NID2: variants seen among roughly 807,000 people sequenced by gnomAD.
NID2 encodes nidogen 2.
A neutral mutation model predicts 145.4 loss-of-function variants in NID2; 83 were observed. That is an observed-to-expected ratio of 0.57 (90% CI 0.48 to 0.69). The LOEUF is 0.69. Ranked by LOEUF, NID2 falls within the 30% of genes least tolerant of loss-of-function variation. The probability of loss-of-function intolerance (pLI) is 0.00; values close to 1 mark genes in which losing one functional copy is unlikely to be tolerated. For synonymous variants in NID2, 739 were observed against 701.3 expected, an observed-to-expected ratio of 1.05 and a Z score of -0.85; for missense variants, 1,807 against 1,765.7, an observed-to-expected ratio of 1.02 and a Z score of -0.42.
intron 7 of NID2, among the ~76,000 whole-genome samples, chr14:52,041,593 G>A (rs150832062): frequency 3.3e-5 from 5 of 152,150 alleles, no homozygotes; most frequent in Admixed American, 2.0e-4. Context: ...GCAAAATCAC[G>A]GACCCCACCC....
At chr14:52,035,878 ATGTTT>A (rs1892052843) in intron 9 of NID2, among the ~76,000 whole-genome samples, 1 of 135,204 alleles carries the variant, frequency 7.4e-6, no homozygotes, top group Non-Finnish European at 1.5e-5. Flanking sequence ...ATATATATAT[ATGTTT>A]TATTTTGTAG....
chr14:52,042,359 C>G lies in NID2; in HGVS notation c.1580-9G>C, dbSNP rs375243244. The G allele has an allele frequency of 1.3e-5, 21 of 1,600,372 alleles. 1 individual carries two copies. Among genetic ancestry groups the G allele is most frequent in the South Asian group, 5.6e-5 (5 of 90,050 alleles). On this transcript the variant is annotated splice_polypyrimidine_tract_variant and intron_variant, in intron 6 of 21. Coordinates refer to ENST00000216286, the MANE Select transcript of NID2 (RefSeq NM_007361.4). Reference sequence around the variant, plus strand: ...CACTCGGTGAGGTGCCCCTAAAAGACAGCAAATCCAGTTAGGCTTGGACGT... The same window carrying G: ...CACTCGGTGAGGTGCCCCTAAAAGAGAGCAAATCCAGTTAGGCTTGGACGT...
In NID2 at chr14:52,040,619, A is replaced by G. The variant is rs191373692; in HGVS notation, c.2026+32T>C. The G allele has an allele frequency of 1.9e-6, 3 of 1,585,672 alleles. No homozygotes were observed. The African/African-American group carries it at 4.0e-5, about 21-fold the overall frequency. On this transcript the variant is annotated intron_variant, in intron 8 of 21. Transcript: ENST00000216286. ...ATCTTGTGAGATGGGCATAATCCCC[A>G]TTTTACAGATGTGAAGACTGGTTAT...
chr14:52,041,583 G>C (rs999124609), intron 7 of NID2, among the ~76,000 whole-genome samples: 1 of 152,110 alleles, frequency 6.6e-6, no homozygotes. Context: ...TGGTAGAAAA[G>C]CAAAATCACG....
chr14:52,036,454 T>G (rs1013513658), intron 9 of NID2, among the ~76,000 whole-genome samples: 7 of 152,370 alleles, frequency 4.6e-5, no homozygotes, highest in African/African-American at 1.7e-4. Flanking sequence ...TTATGAATAC[T>G]GCCACTATGA....
At chr14:52,027,127 G>A (rs957849441) in intron 12 of NID2, 74 bp downstream of exon 12, 3 of 1,347,646 alleles carry the variant, frequency 2.2e-6, no homozygotes, top group East Asian at 5.6e-5. Flanking sequence ...TCTTTTCTGG[G>A]AGAGCTCCAT....
rs1003815030 is a variant in NID2 at position 52,043,896 on chromosome 14, C to G, written c.1430-965G>C. Among the ~76,000 whole-genome samples, 3 of 152,122 alleles carry G rather than the reference C, an allele frequency of 2.0e-5. No individual in the cohort carries two copies. In the East Asian group the frequency reaches 5.8e-4, roughly 29 times the overall value. On this transcript the variant is annotated intron_variant, in intron 5 of 21. Transcript: ENST00000216286. ...GGCCAAGCGGCTGCACACACCTCTG[C>G]CTCCACATCCCCAGGAGGTGGAGTT...
At chr14:52,031,100 G>A (rs560390570) in intron 9 of NID2, among the ~76,000 whole-genome samples, 3 of 152,162 alleles carry the variant, frequency 2.0e-5, no homozygotes, top group Admixed American at 6.5e-5. Flanking sequence ...GCTTTCCACC[G>A]CTTTGCTGCA....
intron 11 of NID2, among the ~76,000 whole-genome samples, chr14:52,028,381 C>A (rs543086072): frequency 1.7e-4 from 26 of 151,776 alleles, no homozygotes; most frequent in African/African-American, 6.3e-4. Flanking sequence ...CTCAAGCAAT[C>A]CTCCTATCTC....
At chr14:52,030,576 G>T (rs55677513) in intron 9 of NID2, among the ~76,000 whole-genome samples, 3 of 61,594 alleles carry the variant, frequency 4.9e-5, no homozygotes, top group Admixed American at 1.8e-4. Flanking sequence ...AAGGAAGGAA[G>T]GGAAAGAAAG....
intron 9 of NID2, among the ~76,000 whole-genome samples, chr14:52,035,878 A>ACATATATATATATATATTTATATT (rs1555364238): frequency 0.47 from 62,736 of 134,856 alleles, 15,525 homozygotes; most frequent in Middle Eastern, 0.52. Context: ...ATATATATAT[A>ACATATATATATATATATTTATATT]TGTTTTATTT....
chr14:52,065,689 A>G (rs1206581844), intron 2 of NID2, among the ~76,000 whole-genome samples: 9 of 92,166 alleles, frequency 9.8e-5, no homozygotes, highest in African/African-American at 4.7e-4. Context: ...AGAGTGTGAT[A>G]TTCCCCTTCC....
chr14:52,053,705 C>T lies in NID2; in HGVS notation c.1303G>A (p.Val435Ile), dbSNP rs1419147154. 4.3e-6 allele frequency: 7 copies of T among 1,614,228 alleles called. No individual in the cohort carries two copies. In the South Asian group the frequency reaches 6.6e-5, roughly 15 times the overall value. The change falls in exon 5 of 22, where the codon GTT (valine) becomes ATT (isoleucine). Residue 435 changes from valine (V) to isoleucine (I), a missense_variant. By Grantham distance (29) the Val-to-Ile change is conservative. Coordinates refer to ENST00000216286, the MANE Select transcript of NID2 (RefSeq NM_007361.4). ...TCTTCTTCAGGATGAGCTGGGGGAA[C>T]ATCCATTTCCGAAGGCACTGGCCCT... ...DGGPVPSEMD[V>I]PPAHPEEEIV...
chr14:52,006,633 G>T lies in NID2; in HGVS notation c.3908C>A (p.Pro1303His). The T allele has an allele frequency of 1.2e-6, 2 of 1,613,804 alleles. No individual in the cohort carries two copies. Among genetic ancestry groups the T allele is most frequent in the South Asian group, 2.2e-5 (2 of 91,076 alleles). ...AATGACACGCCGTCCAGTTCCATCA[G>T]GTAGTGTACACTCCAGTTTTTTGGT... ...AGTKKLECTL[P>H]DGTGRRVIQN... Residue 1303 changes from proline to histidine, a missense_variant, in exon 20 of 22, where the codon CCT becomes CAT. Coordinates refer to ENST00000216286, the MANE Select transcript of NID2 (RefSeq NM_007361.4).
Position 52,067,948 on chromosome 14 carries a change from C to A in NID2, c.444G>T (p.Ala148=). 6.2e-7 allele frequency: 1 copy of A among 1,611,532 alleles called. No homozygotes were observed. The highest frequency in any genetic ancestry group is 8.5e-7 in the Non-Finnish European group (1 of 1,179,224). Residue 148 remains alanine, a synonymous_variant, in exon 2 of 22, where the codon GCG becomes GCT. Transcript: ENST00000216286. ...RYVRAGFPRS[A]RFTPTHAFLA... ...GGAAGGCGTGGGTGGGGGTAAAGCG[C>A]GCAGAGCGCGGGAAGCCAGCGCGCA...
chr14:52,067,975 A>G lies in NID2; in HGVS notation c.417T>C (p.Tyr139=). 2 of 1,611,228 alleles carry G rather than the reference A, an allele frequency of 1.2e-6. No homozygotes were observed. Among genetic ancestry groups the G allele is most frequent in the Non-Finnish European group, 1.7e-6 (2 of 1,178,790 alleles). The change falls in exon 2 of 22, where the codon TAT becomes TAC. Residue 139 remains tyrosine (Y), a synonymous_variant. Transcript: ENST00000216286. ...SPAVLGLAAR[Y]VRAGFPRSAR... ...CAGAGCGCGGGAAGCCAGCGCGCACATAGCGGGCGGCCAGGCCCAGCACTG... is the reference window on the plus strand; with the variant it reads ...CAGAGCGCGGGAAGCCAGCGCGCACGTAGCGGGCGGCCAGGCCCAGCACTG...
chr14:52,020,171 A>G lies in NID2; in HGVS notation c.2682T>C (p.Asp894=), dbSNP rs756790837. Reference sequence around the variant, plus strand: ...GGTGACATCTGTTTTCTGAGCATTCATCTACATCTGCAGAGGTCAGAAACA... The same window carrying G: ...GGTGACATCTGTTTTCTGAGCATTCGTCTACATCTGCAGAGGTCAGAAACA... ...AGDGHQCTDV[D]ECSENRCHPA... is the part of the protein sequence containing the mutation. The change falls in exon 13 of 22, where the codon GAT becomes GAC. Residue 894 remains aspartate (D), a synonymous_variant. Coordinates refer to ENST00000216286, the MANE Select transcript of NID2 (RefSeq NM_007361.4). The G allele has an allele frequency of 1.8e-5, 29 of 1,613,706 alleles. No homozygotes were observed. Among genetic ancestry groups the G allele is most frequent in the Admixed American group, 5.0e-5 (3 of 59,988 alleles).
chr14:52,014,798 G>A (rs980379015), intron 15 of NID2, among the ~76,000 whole-genome samples: 4 of 152,006 alleles, frequency 2.6e-5, no homozygotes, highest in African/African-American at 9.7e-5. Context: ...GTCACCCTGG[G>A]CTGGGGAGGG....
intron 9 of NID2, among the ~76,000 whole-genome samples, chr14:52,030,511 GAAAGA>G (rs560505402): frequency 0.038 from 2,581 of 68,038 alleles, 49 homozygotes; most frequent in East Asian, 0.11. Flanking sequence ...GAGAAAGAAA[GAAAGA>G]AAAGAAAGAA....
Sources: gnomAD v4.1 joint callset for allele counts (sites outside exome capture counted in the v4.1 genomes callset) on GRCh38, gnomAD v4.1.1 for gene constraint, MANE v1.5 for transcripts, NCBI Gene and HGNC (gene_info 2026-07-23, HGNC 2026-07-21) for gene names.